Variants in YTHDC2 observed in about 807,000 individuals in gnomAD.
The protein encoded by YTHDC2 is YTH N6-methyladenosine RNA binding protein C2.
Under a neutral mutation model 174.9 loss-of-function variants are expected in YTHDC2, and 45 were observed. The ratio of observed to expected loss-of-function variants is 0.26; its 90% confidence interval spans 0.20 to 0.33. The LOEUF is 0.33. Ranked by LOEUF, YTHDC2 falls within the 10% of genes least tolerant of loss-of-function variation. The pLI is 1.00. For missense variants in YTHDC2, 1,650 were observed against 1,723.7 expected (o/e 0.96, Z 0.76); for synonymous variants, 657 against 574.5 (o/e 1.14, Z -2.05).
chr5:113,564,674 T>G (rs1777216776), intron 20 of YTHDC2, among the ~76,000 whole-genome samples: 1 of 152,054 alleles, frequency 6.6e-6, no homozygotes, highest in South Asian at 2.1e-4. Context: ...AAAGAAAAGA[T>G]GGGGAAAATA....
In YTHDC2 at chr5:113,526,633, C is replaced by A. The variant is rs774041297; in HGVS notation, c.523C>A (p.Pro175Thr). The A allele has an allele frequency of 1.1e-5, 17 of 1,596,212 alleles. No individual in the cohort carries two copies. In the Admixed American group the frequency reaches 2.6e-4, roughly 24 times the overall value. The change falls in exon 4 of 30, where the codon CCT becomes ACT. Residue 175 changes from proline to threonine, a missense_variant. Coordinates refer to ENST00000161863, the MANE Select transcript of YTHDC2 (RefSeq NM_022828.5). ...AAGTGGGCGACTCAACAATGGCATA[C>A]CTCAGATTCCAGTGAAAAGAGGAGA... ...KTSGRLNNGI[P>T]QIPVKRGESE...
At chr5:113,570,982 G>A (rs958175084) in intron 23 of YTHDC2, among the ~76,000 whole-genome samples, 1 of 152,030 alleles carries the variant, frequency 6.6e-6, no homozygotes, top group Non-Finnish European at 1.5e-5. Context: ...TTTTTCTCTG[G>A]CCTGATTTCC....
intron 18 of YTHDC2, among the ~76,000 whole-genome samples, chr5:113,561,957 G>GGTGGGTGTGTGT (rs1347716150): frequency 8.2e-5 from 11 of 134,958 alleles, no homozygotes; most frequent in South Asian, 2.4e-4. Flanking sequence ...ATTAATTGTG[G>GGTGGGTGTGTGT]GTGTGTGTGT....
chr5:113,566,084 ATTTC>A (rs1580601865), intron 21 of YTHDC2, 65 bp downstream of exon 21: 1 of 1,447,240 alleles, frequency 6.9e-7, no homozygotes. Flanking sequence ...ATTTCATAGT[ATTTC>A]TTATGTTAAC....
At chr5:113,571,724 T>G (rs1025637067) in intron 23 of YTHDC2, among the ~76,000 whole-genome samples, 2 of 152,194 alleles carry the variant, frequency 1.3e-5, no homozygotes, top group African/African-American at 4.8e-5. Flanking sequence ...TGTCCAGGAA[T>G]CTACCTCTTT....
intron 23 of YTHDC2, among the ~76,000 whole-genome samples, chr5:113,578,869 C>A (rs4705556): frequency 3.3e-5 from 5 of 151,766 alleles, no homozygotes; most frequent in African/African-American, 9.7e-5. Context: ...TAGTAATTTT[C>A]GTGTAGAAAA....
chr5:113,515,913 T>C (rs535133108), intron 2 of YTHDC2, among the ~76,000 whole-genome samples: 1 of 152,326 alleles, frequency 6.6e-6, no homozygotes, highest in African/African-American at 2.4e-5. Flanking sequence ...TGGTGCTGTC[T>C]CTATTAAGAG....
At chr5:113,514,791 C>T (rs1370687605) in intron 1 of YTHDC2, among the ~76,000 whole-genome samples, 1 of 152,154 alleles carries the variant, frequency 6.6e-6, no homozygotes, top group Non-Finnish European at 1.5e-5. Context: ...TAACAAATCC[C>T]TCTGAAATAG....
Position 113,553,167 on chromosome 5 carries a change from T to TTTTTTTTTTTTTTTTTTG in YTHDC2, c.1689-4_1689-3insTTTTTTTGTTTTTTTTTT. 7.3e-7 allele frequency: 1 copy of TTTTTTTTTTTTTTTTTTG among 1,373,442 alleles called. No individual in the cohort carries two copies. 85.1% of individuals were successfully genotyped at this position (1,373,442 alleles called of 1,614,324 possible). On this transcript the variant is annotated splice_polypyrimidine_tract_variant and intron_variant, in intron 12 of 29. Transcript: ENST00000161863. ...GGAAATTGACTTTGTCTTTTTTTTT[T>TTTTTTTTTTTTTTTTTTG]TTTTTTTTTTCAGTGCTACACTGGA...
chr5:113,539,725 A>G (rs984411968), intron 8 of YTHDC2, among the ~76,000 whole-genome samples: 7 of 152,118 alleles, frequency 4.6e-5, no homozygotes, highest in African/African-American at 1.7e-4. Flanking sequence ...ATCATAGAAG[A>G]CTTGGCTTCA....
chr5:113,581,161 A>T, intron 24 of YTHDC2: 1 of 317,828 alleles, frequency 3.1e-6, no homozygotes, highest in Non-Finnish European at 5.6e-6. Context: ...TTCCAGTATT[A>T]ATCACACTCT....
At chr5:113,575,435 TA>T (rs1420457755) in intron 23 of YTHDC2, among the ~76,000 whole-genome samples, 4 of 152,196 alleles carry the variant, frequency 2.6e-5, no homozygotes, top group African/African-American at 9.6e-5. Flanking sequence ...AGGATCGCCT[TA>T]GGGGTGACCT....
intron 23 of YTHDC2, among the ~76,000 whole-genome samples, chr5:113,575,132 T>G (rs1403361828): frequency 6.6e-6 from 1 of 152,248 alleles, no homozygotes; most frequent in South Asian, 2.1e-4. Context: ...TTGTGCCTTT[T>G]CATTCTTCTT....
intron 24 of YTHDC2, 112 bp downstream of exon 24, chr5:113,579,807 A>G (rs1423915848): frequency 3.1e-6 from 4 of 1,310,860 alleles, no homozygotes; most frequent in Non-Finnish European, 3.9e-6. Context: ...ATCAGAGAAT[A>G]TAACTTGTTT....
intron 26 of YTHDC2, 82 bp from the exon 27 acceptor site, chr5:113,590,959 G>A (rs781335884): frequency 8.5e-7 from 1 of 1,181,388 alleles, no homozygotes; most frequent in Non-Finnish European, 1.2e-6. Context: ...TGGCTTATAT[G>A]TTTATGAAGA....
At chr5:113,559,640 C>G (rs1309315752) in intron 17 of YTHDC2, among the ~76,000 whole-genome samples, 1 of 152,132 alleles carries the variant, frequency 6.6e-6, no homozygotes, top group Admixed American at 6.5e-5. Context: ...TTCAGGTTAC[C>G]CAATTCTGAC....
rs116618899 is a variant in YTHDC2, at chr5:113,571,546, G to A, written c.3244+3697G>A. Reference sequence around the variant, plus strand: ...TCAGTTGTTTGGAATAGTTTCAAAAGAAAGGGTATCAGCTCTTCTATGTAC... The same window carrying A: ...TCAGTTGTTTGGAATAGTTTCAAAAAAAAGGGTATCAGCTCTTCTATGTAC... On this transcript the variant is annotated intron_variant, in intron 23 of 29. Coordinates refer to ENST00000161863, the MANE Select transcript of YTHDC2 (RefSeq NM_022828.5). Among the ~76,000 whole-genome samples the A allele has an allele frequency of 6.6e-3, 1,000 of 152,308 alleles. 7 individuals carry two copies. Among genetic ancestry groups the A allele is most frequent in the African/African-American group, 0.022 (931 of 41,564 alleles).
intron 3 of YTHDC2, among the ~76,000 whole-genome samples, chr5:113,526,352 A>T (rs1346988081): frequency 3.5e-5 from 3 of 86,950 alleles, no homozygotes; most frequent in Non-Finnish European, 2.0e-5. Flanking sequence ...TTTCTAATTG[A>T]TATTGAAATT....
intron 26 of YTHDC2, among the ~76,000 whole-genome samples, chr5:113,585,156 A>G (rs1042735879): frequency 2.0e-5 from 3 of 152,034 alleles, no homozygotes; most frequent in African/African-American, 7.2e-5. Context: ...AATCGAAAAC[A>G]GTGGTTTCTT....
Sources: gnomAD v4.1 joint callset for allele counts (sites outside exome capture counted in the v4.1 genomes callset) on GRCh38, gnomAD v4.1.1 for gene constraint, MANE v1.5 for transcripts, NCBI Gene and HGNC (gene_info 2026-07-23, HGNC 2026-07-21) for gene names.